Variants in AUTS2 observed in about 807,000 individuals in gnomAD.
AUTS2 encodes activator of transcription and developmental regulator AUTS2.
AUTS2 carries 17 observed loss-of-function variants against 112.4 expected under a neutral mutation model. The ratio of observed to expected loss-of-function variants is 0.15; its 90% confidence interval spans 0.10 to 0.23. The LOEUF (loss-of-function observed/expected upper bound fraction) is 0.23. Among genes scored for constraint, AUTS2 ranks in the 10% least tolerant of loss-of-function variants. The pLI, the probability that AUTS2 is intolerant of heterozygous loss-of-function variation, is 1.00. For missense variants in AUTS2, 1,510 were observed against 1,701.6 expected, an observed-to-expected ratio of 0.89 and a Z score of 1.98; for synonymous variants, 751 against 702.7, an observed-to-expected ratio of 1.07 and a Z score of -1.09.
At chr7:70,290,107 T>C (rs1377745421) in intron 4 of AUTS2, among the ~76,000 whole-genome samples, 1 of 152,076 alleles carries the variant, frequency 6.6e-6, no homozygotes, top group Non-Finnish European at 1.5e-5. Flanking sequence ...GTATGAAGAG[T>C]CATGATGTAG....
rs1475019418 is a variant in AUTS2 at position 70,636,635 on chromosome 7, G to T, written c.691-61934G>T. Among the ~76,000 whole-genome samples, 12 of 140,030 alleles carry T rather than the reference G, an allele frequency of 8.6e-5. No homozygotes were observed. In the Admixed American group the frequency reaches 9.4e-4, roughly 11 times the overall value. The allele number at this position is 140,030 out of a possible 152,430, so 91.9% of individuals were successfully genotyped here. ...TTGTGAGGATTAAGTTAAATTGATG[G>T]CCTACAAAAATACATTTTTTTTTTT... On this transcript the variant is annotated intron_variant, in intron 5 of 18. Coordinates refer to ENST00000342771, the MANE Select transcript of AUTS2 (RefSeq NM_015570.4).
intron 6 of AUTS2, among the ~76,000 whole-genome samples, chr7:70,743,982 C>A (rs1243838799): frequency 2.0e-5 from 3 of 151,192 alleles, no homozygotes; most frequent in Admixed American, 1.3e-4. Context: ...AATCTCCCCC[C>A]ACCCCCGCCC....
intron 5 of AUTS2, among the ~76,000 whole-genome samples, chr7:70,684,421 A>G (rs1381078662): frequency 1.3e-5 from 2 of 152,140 alleles, no homozygotes; most frequent in Non-Finnish European, 2.9e-5. Flanking sequence ...AAACCTCTCT[A>G]GAGTTTAGAC....
At chr7:69,747,761 TGACA>T (rs913295047) in intron 1 of AUTS2, among the ~76,000 whole-genome samples, 2 of 43,148 alleles carry the variant, frequency 4.6e-5, no homozygotes, top group African/African-American at 1.3e-4. Flanking sequence ...TGTATGTGTG[TGACA>T]GACAGAGAGA....
chr7:69,897,393 CTG>C (rs756446163), intron 1 of AUTS2, among the ~76,000 whole-genome samples: 32 of 152,120 alleles, frequency 2.1e-4, no homozygotes, highest in Non-Finnish European at 4.4e-4. Context: ...CCAGCAGATT[CTG>C]TGTCTGGTGA....
intron 6 of AUTS2, among the ~76,000 whole-genome samples, chr7:70,743,459 ACT>A (rs1788240208): frequency 8.4e-6 from 1 of 119,086 alleles, no homozygotes; most frequent in African/African-American, 3.3e-5. Context: ...ACAGAGGGAG[ACT>A]CTGTCTCAAA....
chr7:69,677,882 T>A (rs1188000470), intron 1 of AUTS2, among the ~76,000 whole-genome samples: 2 of 152,198 alleles, frequency 1.3e-5, no homozygotes, highest in Non-Finnish European at 2.9e-5. Context: ...GTGGTTTTTA[T>A]AAGTGCAGTT....
At chr7:70,781,535 TCTCCAG>T (rs962949084) in intron 14 of AUTS2, 74 bp from the exon 15 acceptor site, 113 of 1,529,558 alleles carry the variant, frequency 7.4e-5, no homozygotes, top group African/African-American at 1.9e-4. Flanking sequence ...CCGTTCACAG[TCTCCAG>T]CTCCAGCTCT....
chr7:70,400,711 A>C (rs1425152299), intron 4 of AUTS2, among the ~76,000 whole-genome samples: 1 of 152,160 alleles, frequency 6.6e-6, no homozygotes, highest in African/African-American at 2.4e-5. Context: ...TTTCTTTTTA[A>C]GGGAACGCCA....
intron 1 of AUTS2, among the ~76,000 whole-genome samples, chr7:69,817,686 G>A (rs1216552002): frequency 1.3e-5 from 2 of 152,114 alleles, no homozygotes; most frequent in Admixed American, 6.5e-5. Flanking sequence ...CAGAAGCGTG[G>A]AGAGCTGGGC....
chr7:70,324,983 A>G lies in AUTS2; in HGVS notation c.661-110769A>G, dbSNP rs574379026. On this transcript the variant is annotated intron_variant, in intron 4 of 18. Transcript: ENST00000342771. ...ACCCTCTCATTTTCCTGAAGAGGAA[A>G]GTGAGGCCCAGTGAAAACCCACACA... is the stretch of plus-strand genomic sequence containing the variant. Among the ~76,000 whole-genome samples, 5 of 152,306 alleles carry G rather than the reference A, an allele frequency of 3.3e-5. No homozygotes were observed. The East Asian group carries it at 5.8e-4, about 18-fold the overall frequency.
chr7:70,778,895 A>AGAGAT (rs897619292), intron 14 of AUTS2, among the ~76,000 whole-genome samples: 3 of 152,336 alleles, frequency 2.0e-5, no homozygotes, highest in African/African-American at 7.2e-5. Flanking sequence ...TTTGGTTAAA[A>AGAGAT]GAGATGAGGG....
intron 1 of AUTS2, among the ~76,000 whole-genome samples, chr7:69,644,566 A>G (rs1794940905): frequency 6.6e-6 from 1 of 151,794 alleles, no homozygotes; most frequent in Non-Finnish European, 1.5e-5. Flanking sequence ...GTCAAGATGT[A>G]GAGGGCTCAG....
chr7:70,641,089 C>G (rs1421453305), intron 5 of AUTS2, among the ~76,000 whole-genome samples: 1 of 152,210 alleles, frequency 6.6e-6, no homozygotes, highest in African/African-American at 2.4e-5. Context: ...TCCAGCCATG[C>G]TGGTCCATTA....
rs546985369 is a variant in AUTS2 at position 70,152,444 on chromosome 7, G to GA, written c.660+17883dup. 1.7e-3 allele frequency among the ~76,000 whole-genome samples: 238 copies of GA among 143,842 alleles called. 1 individual carries two copies. Among genetic ancestry groups the GA allele is most frequent in the African/African-American group, 1.3e-3 (50 of 39,504 alleles). 94.4% of individuals were successfully genotyped at this position (143,842 alleles called of 152,430 possible). The stretch of plus-strand genomic sequence containing the variant: ...CTGACAGCAGATTTTTTTTTTTCTG[G>GA]AAAAAAAAAATGCACTGGAGCAACA... On this transcript the variant is annotated intron_variant, in intron 4 of 18. Coordinates refer to ENST00000342771, the MANE Select transcript of AUTS2 (RefSeq NM_015570.4).
intron 1 of AUTS2, among the ~76,000 whole-genome samples, chr7:69,694,279 G>A (rs2129181772): frequency 6.6e-6 from 1 of 152,044 alleles, no homozygotes; most frequent in East Asian, 1.9e-4. Flanking sequence ...GTAAGGATTA[G>A]GAATGTTTAA....
chr7:69,916,481 C>G (rs985018467), intron 2 of AUTS2, among the ~76,000 whole-genome samples: 13 of 152,150 alleles, frequency 8.5e-5, no homozygotes, highest in African/African-American at 3.1e-4. Context: ...TTCTCAACTT[C>G]TAGATTCATA....
At chr7:70,283,335 G>T (rs1260161689) in intron 4 of AUTS2, among the ~76,000 whole-genome samples, 3 of 152,122 alleles carry the variant, frequency 2.0e-5, no homozygotes, top group African/African-American at 4.8e-5. Context: ...AACTGTTGTG[G>T]TAATAAAACC....
chr7:70,539,712 A>T (rs1346957442), intron 5 of AUTS2, among the ~76,000 whole-genome samples: 1 of 152,192 alleles, frequency 6.6e-6, no homozygotes, highest in Non-Finnish European at 1.5e-5. Context: ...TACACTGCGA[A>T]TCGCGAGGCT....
Sources: allele counts gnomAD v4.1 joint callset (sites outside exome capture counted in the v4.1 genomes callset), GRCh38; gene constraint gnomAD v4.1.1; transcripts MANE v1.5; gene names NCBI Gene and HGNC (gene_info 2026-07-23, HGNC 2026-07-21).